ADGB: variants seen among roughly 807,000 people sequenced by gnomAD.
ADGB encodes androglobin, also known as calpain-7-like protein.
In ADGB, 172 loss-of-function variants were observed where a neutral mutation model predicts 210.5. The observed-to-expected ratio is 0.82, with a 90% CI of 0.72 to 0.93. The LOEUF is 0.93. Among genes scored for constraint, ADGB ranks in the 40% least tolerant of loss-of-function variants. The pLI is 0.00. For synonymous variants in ADGB, 658 were observed against 662.7 expected (o/e 0.99, Z 0.11); for missense variants, 2,025 against 1,964.8 (o/e 1.03, Z -0.58).
intron 13 of ADGB, among the ~76,000 whole-genome samples, chr6:146,714,207 G>A (rs1277270133): frequency 6.6e-6 from 1 of 152,162 alleles, no homozygotes; most frequent in African/African-American, 2.4e-5. Flanking sequence ...CTGATTAGAA[G>A]CAGCTCAATG....
intron 12 of ADGB, among the ~76,000 whole-genome samples, chr6:146,698,958 G>A (rs752439457): frequency 1.3e-5 from 2 of 152,020 alleles, no homozygotes; most frequent in Admixed American, 6.6e-5. Flanking sequence ...AGGTTTCAAC[G>A]TCCGAATTTT....
rs372348321 is a variant in ADGB, at chr6:146,708,812, CTCTTTTG to C, written c.1708-6561_1708-6555del. On this transcript the variant is annotated intron_variant, in intron 13 of 35. Transcript: ENST00000397944. ...TAAGTAAGTTTCTACTCCTTTGTCT[CTCTTTTG>C]TCTTTTGTGAACTCCTATCACTCAA... Among the ~76,000 whole-genome samples the C allele has an allele frequency of 6.2e-3, 946 of 152,214 alleles. 6 individuals are homozygous for C. Among genetic ancestry groups the C allele is most frequent in the African/African-American group, 0.021 (893 of 41,544 alleles).
At chr6:146,751,196 G>C (rs1251471389) in intron 26 of ADGB, among the ~76,000 whole-genome samples, 3 of 142,558 alleles carry the variant, frequency 2.1e-5, no homozygotes, top group Non-Finnish European at 4.6e-5. Flanking sequence ...TGTTCTCATT[G>C]TTCAGCTCCC....
chr6:146,784,138 G>A lies in ADGB; in HGVS notation c.4036-480G>A, dbSNP rs1419470517. Among the ~76,000 whole-genome samples the A allele has an allele frequency of 6.5e-3, 991 of 152,208 alleles. 5 individuals are homozygous for A. The highest frequency in any genetic ancestry group is 0.011 in the Non-Finnish European group (729 of 68,004). ...GATATAAATTATAGATAATTCCCGAGTTTATGGAAATAATCTCAAACTTCT... is the reference window on the plus strand; with the variant it reads ...GATATAAATTATAGATAATTCCCGAATTTATGGAAATAATCTCAAACTTCT... On this transcript the variant is annotated intron_variant, in intron 30 of 35. Transcript: ENST00000397944.
intron 20 of ADGB, 87 bp from the exon 21 acceptor site, chr6:146,733,033 T>C (rs1583612349): frequency 9.5e-7 from 1 of 1,053,380 alleles, no homozygotes; most frequent in East Asian, 2.9e-5. Context: ...TTTTATTTTT[T>C]ATTTTTAGAG....
At chr6:146,734,801 T>A (rs969835331) in intron 22 of ADGB, among the ~76,000 whole-genome samples, 3 of 152,042 alleles carry the variant, frequency 2.0e-5, no homozygotes, top group African/African-American at 7.2e-5. Context: ...TCCCAGCTAC[T>A]TGGAAGGCAG....
Position 146,752,530 on chromosome 6 carries a change from G to A in ADGB, c.3366G>A (p.Arg1122=). The A allele has an allele frequency of 5.9e-6, 9 of 1,534,286 alleles. No homozygotes were observed. Among genetic ancestry groups the A allele is most frequent in the Non-Finnish European group, 7.9e-6 (9 of 1,140,102 alleles). ...YIPNDKKILF[R]YSVKVLTPQP... is the part of the protein sequence containing the mutation. Reference sequence around the variant, plus strand: ...TAATGTTAACTTTTTTTCTTTACAGGTATTCGGTTAAAGTTCTAACACCAC... The same window carrying A: ...TAATGTTAACTTTTTTTCTTTACAGATATTCGGTTAAAGTTCTAACACCAC... Residue 1122 remains arginine (R), a splice_region_variant and synonymous_variant, in exon 27 of 36, where the codon AGG becomes AGA. Coordinates refer to ENST00000397944, the MANE Select transcript of ADGB (RefSeq NM_024694.4).
At chr6:146,658,627 C>T (rs973317430) in intron 5 of ADGB, among the ~76,000 whole-genome samples, 5 of 152,188 alleles carry the variant, frequency 3.3e-5, no homozygotes, top group Non-Finnish European at 5.9e-5. Flanking sequence ...TAGGAGTTAA[C>T]ATTCATTAAC....
In ADGB at chr6:146,610,884, G is replaced by A. The variant is rs77814676; in HGVS notation, c.74+11770G>A. On this transcript the variant is annotated intron_variant, in intron 1 of 35. Coordinates refer to ENST00000397944, the MANE Select transcript of ADGB (RefSeq NM_024694.4). ...ACGTGCCCATGCTGCTGGTTGCAGG[G>A]TGGCAGGATCCATTCACACATGCAC... is the stretch of plus-strand genomic sequence containing the variant. Among the ~76,000 whole-genome samples, 12 of 152,270 alleles carry A rather than the reference G, an allele frequency of 7.9e-5. No homozygotes were observed. In the East Asian group the frequency reaches 2.3e-3, roughly 30 times the overall value.
chr6:146,796,641 TG>T (rs891132822), intron 33 of ADGB, among the ~76,000 whole-genome samples: 1 of 152,166 alleles, frequency 6.6e-6, no homozygotes, highest in Non-Finnish European at 1.5e-5. Flanking sequence ...CAAATGGTGC[TG>T]GGATAATTGG....
At position 146,728,629 on chromosome 6, in the gene ADGB, T is replaced by C. The variant is rs952085400; in HGVS notation, c.2408T>C (p.Val803Ala). ...TTGATTATGAAAGCTATTGGAAATGTGATTGCTAATTTCAAAGATAAGGGT... is the reference window on the plus strand; with the variant it reads ...TTGATTATGAAAGCTATTGGAAATGCGATTGCTAATTTCAAAGATAAGGGT... ...SLLIMKAIGN[V>A]IANFKDKGKL... is the part of the protein sequence containing the mutation. Residue 803 changes from valine to alanine, a missense_variant, in exon 20 of 36, where the codon GTG becomes GCG. Val to Ala is a moderately conservative substitution (Grantham distance 64, BLOSUM62 0). Transcript: ENST00000397944. 1.3e-6 allele frequency: 2 copies of C among 1,551,658 alleles called. No individual in the cohort carries two copies. The highest frequency in any genetic ancestry group is 1.7e-6 in the Non-Finnish European group (2 of 1,146,952).
chr6:146,610,681 T>C (rs1277617520), intron 1 of ADGB, among the ~76,000 whole-genome samples: 1 of 152,162 alleles, frequency 6.6e-6, no homozygotes, highest in African/African-American at 2.4e-5. Flanking sequence ...GTGATTTTGT[T>C]CTCTGGTTCC....
intron 21 of ADGB, 100 bp downstream of exon 21, chr6:146,733,355 G>T: frequency 8.2e-7 from 1 of 1,225,936 alleles, no homozygotes; most frequent in East Asian, 2.7e-5. Flanking sequence ...ATAAGTCTGT[G>T]TGGACTGTCA....
intron 1 of ADGB, 85 bp from the exon 2 acceptor site, chr6:146,635,290 C>A (rs12199273): frequency 1.6e-6 from 2 of 1,230,534 alleles, no homozygotes; most frequent in African/African-American, 1.6e-5. Flanking sequence ...GCTGAGAAGA[C>A]AAATTTATGT....
At chr6:146,758,031 G>A (rs1777434571) in intron 27 of ADGB, among the ~76,000 whole-genome samples, 1 of 152,060 alleles carries the variant, frequency 6.6e-6, no homozygotes, top group Non-Finnish European at 1.5e-5. Context: ...GGGCAAAGCT[G>A]TAGTACTTTC....
intron 5 of ADGB, among the ~76,000 whole-genome samples, chr6:146,661,220 C>CTTTTTTTTTT (rs5880682): frequency 4.4e-4 from 51 of 116,062 alleles, no homozygotes; most frequent in Non-Finnish European, 6.7e-4. Flanking sequence ...TTCTTTTTTT[C>CTTTTTTTTTT]TTTTTTTTTT....
intron 7 of ADGB, among the ~76,000 whole-genome samples, chr6:146,669,487 C>T (rs897106321): frequency 2.6e-5 from 4 of 152,076 alleles, no homozygotes; most frequent in Admixed American, 6.6e-5. Context: ...TCAACAAAGA[C>T]CTTAATATTG....
intron 4 of ADGB, among the ~76,000 whole-genome samples, chr6:146,656,533 T>A (rs1775783817): frequency 6.6e-6 from 1 of 152,218 alleles, no homozygotes; most frequent in Non-Finnish European, 1.5e-5. Flanking sequence ...AGCAGACAGC[T>A]TTCTTAGCTG....
chr6:146,666,881 T>C lies in ADGB; in HGVS notation c.818T>C (p.Leu273Ser). 1 of 1,546,068 alleles carries C rather than the reference T, an allele frequency of 6.5e-7. No homozygotes were observed. The highest frequency in any genetic ancestry group is 8.8e-7 in the Non-Finnish European group (1 of 1,142,658). ...FTVIHALTGW[L>S]PEVISLHPGY... ...GTTATTCATGCGCTCACAGGATGGT[T>C]ACCAGAAGTCATTTCTCTTCAGTAT... The change falls in exon 7 of 36, where the codon TTA (leucine) becomes TCA (serine). Residue 273 changes from leucine (L) to serine (S), a missense_variant. Leu to Ser is a moderately radical substitution (Grantham distance 145). Coordinates refer to ENST00000397944, the MANE Select transcript of ADGB (RefSeq NM_024694.4).
Sources: allele counts gnomAD v4.1 joint callset (sites outside exome capture counted in the v4.1 genomes callset), GRCh38; gene constraint gnomAD v4.1.1; transcripts MANE v1.5; gene names NCBI Gene and HGNC (gene_info 2026-07-23, HGNC 2026-07-21).